The following GOLGA8A variants were observed in gnomAD, a reference collection of about 807,000 sequenced individuals.
GOLGA8A encodes golgin A8 family member A, also known as golgin subfamily A member 8A.
Under a neutral mutation model 22.1 loss-of-function variants are expected in GOLGA8A, and 3 were observed. The observed-to-expected ratio is 0.14, with a 90% CI of 0.06 to 0.35. The LOEUF (loss-of-function observed/expected upper bound fraction) is 0.35. GOLGA8A is among the 10% of genes least tolerant of loss of function. The pLI is 1.00. For synonymous variants in GOLGA8A, 7 were observed against 91.7 expected, an observed-to-expected ratio of 0.08 and a Z score of 5.28; for missense variants, 16 against 233.2, an observed-to-expected ratio of 0.07 and a Z score of 6.07.
chr15:34,421,840 T>G (rs1356098422), intron 2 of GOLGA8A, among the ~76,000 whole-genome samples: 1 of 136,742 alleles, frequency 7.3e-6, no homozygotes, highest in East Asian at 2.2e-4. Context: ...ACACAACCTC[T>G]TCTCCCACCA....
chr15:34,432,785 C>T lies in GOLGA8A; in HGVS notation c.-1123+2598G>A, dbSNP rs1041285743. Among the ~76,000 whole-genome samples the T allele has an allele frequency of 2.3e-4, 35 of 149,196 alleles. 3 individuals are homozygous for T. Among genetic ancestry groups the T allele is most frequent in the African/African-American group, 7.7e-4 (31 of 40,432 alleles). ...ACAGATGCACCACCTTACATTAAAA[C>T]AGCCCTTTAGAGTTTAGAGTTTATG... On this transcript the variant is annotated intron_variant, in intron 2 of 24. Coordinates refer to ENST00000359187, the MANE Select transcript of GOLGA8A (RefSeq NM_181077.5).
At chr15:34,430,022 A>G (rs1416777100) in intron 2 of GOLGA8A, among the ~76,000 whole-genome samples, 1 of 147,238 alleles carries the variant, frequency 6.8e-6, no homozygotes, top group African/African-American at 2.5e-5. Context: ...AGCTCCCCAA[A>G]TGAAACCAAG....
At chr15:34,436,099 C>T (rs1893496327) in intron 1 of GOLGA8A, among the ~76,000 whole-genome samples, 1 of 148,808 alleles carries the variant, frequency 6.7e-6, no homozygotes, top group African/African-American at 2.5e-5. Context: ...TGCGTAGTGG[C>T]CACACCTCTG....
rs1891471942 is a variant in GOLGA8A at position 34,381,220 on chromosome 15, T to C, written c.*191A>G. The C allele has an allele frequency of 5.0e-6, 5 of 1,009,768 alleles. No homozygotes were observed. The Admixed American group carries it at 1.1e-4, about 23-fold the overall frequency. The allele number at this position is 1,009,768 out of a possible 1,614,324, so 62.6% of individuals were successfully genotyped here. On this transcript the variant is annotated 3_prime_UTR_variant, in exon 25 of 25. Coordinates refer to ENST00000359187, the MANE Select transcript of GOLGA8A (RefSeq NM_181077.5). Reference sequence around the variant, plus strand: ...ATGCTGAAGGATGCCAGAGTGAACATCAGTGAGAGCCACAGAGACCCACTC... The same window carrying C: ...ATGCTGAAGGATGCCAGAGTGAACACCAGTGAGAGCCACAGAGACCCACTC...
chr15:34,431,333 A>C (rs1435413336), intron 2 of GOLGA8A, among the ~76,000 whole-genome samples: 2,761 of 51,136 alleles, frequency 0.054, 206 homozygotes, highest in African/African-American at 0.15. Context: ...ATATATATAT[A>C]TATATATATA....
chr15:34,385,501 TAC>T (rs1305966954), intron 13 of GOLGA8A, 27 bp from the exon 14 acceptor site: 3 of 653,480 alleles, frequency 4.6e-6, no homozygotes, highest in Non-Finnish European at 5.4e-6. Flanking sequence ...ACAGAGCTCT[TAC>T]CAGGGGGAGG....
At chr15:34,416,825 T>TAAA in intron 2 of GOLGA8A, 1 of 72,478 alleles carries the variant, frequency 1.4e-5, no homozygotes, top group Middle Eastern at 4.5e-3. Flanking sequence ...AATAAATAAA[T>TAAA]AAAAAAGAAG....
At chr15:34,381,923 ACC>A (rs1322225016) in intron 23 of GOLGA8A, 43 bp downstream of exon 23, 5,888 of 96,486 alleles carry the variant, frequency 0.061, 121 homozygotes, top group Middle Eastern at 0.14. Flanking sequence ...CCCCACCCAC[ACC>A]CCCACCCCAC....
At chr15:34,427,521 G>C (rs562653107) in intron 2 of GOLGA8A, among the ~76,000 whole-genome samples, 2 of 148,356 alleles carry the variant, frequency 1.3e-5, no homozygotes, top group East Asian at 4.0e-4. Flanking sequence ...GCTCAACAGA[G>C]CAAATCCACC....
At chr15:34,435,866 G>A (rs1409728393) in intron 1 of GOLGA8A, among the ~76,000 whole-genome samples, 1 of 148,978 alleles carries the variant, frequency 6.7e-6, no homozygotes, top group Non-Finnish European at 1.5e-5. Context: ...ACACAGCTAC[G>A]AGCTCCAGCT....
Position 34,398,478 on chromosome 15 carries a change from T to C in GOLGA8A, c.-382+156A>G, listed in dbSNP as rs371969724. Among the ~76,000 whole-genome samples the C allele has an allele frequency of 1.7e-3, 203 of 118,618 alleles. 10 individuals are homozygous for C. The highest frequency in any genetic ancestry group is 0.015 in the East Asian group (67 of 4,474). 77.8% of individuals were successfully genotyped at this position (118,618 alleles called of 152,430 possible). A position where few individuals can be genotyped will look rare whatever the true frequency, so the allele number is the denominator to read the frequency against. On this transcript the variant is annotated intron_variant, in intron 8 of 24. Coordinates refer to ENST00000359187, the MANE Select transcript of GOLGA8A (RefSeq NM_181077.5). ...AGCAATAATAAAGAAATGATACTTC[T>C]ATATTTTCTATAGATCATCTTTGTA...
intron 2 of GOLGA8A, among the ~76,000 whole-genome samples, chr15:34,431,339 A>ATC (rs1410030407): frequency 2.3e-4 from 20 of 85,462 alleles, no homozygotes; most frequent in South Asian, 6.4e-4. Context: ...ATATATATAT[A>ATC]TATATATCTC....
chr15:34,423,656 C>T (rs1892868624), intron 2 of GOLGA8A, among the ~76,000 whole-genome samples: 2 of 148,410 alleles, frequency 1.3e-5, no homozygotes, highest in Non-Finnish European at 3.0e-5. Flanking sequence ...TGACCCTGAG[C>T]TTCACAGACT....
At chr15:34,423,833 A>G (rs1892874928) in intron 2 of GOLGA8A, among the ~76,000 whole-genome samples, 1 of 149,326 alleles carries the variant, frequency 6.7e-6, no homozygotes, top group Non-Finnish European at 1.5e-5. Context: ...TTTGAGAACC[A>G]GGGCTGTGCC....
intron 2 of GOLGA8A, among the ~76,000 whole-genome samples, chr15:34,423,113 G>A (rs1892850010): frequency 7.9e-6 from 1 of 126,504 alleles, no homozygotes; most frequent in African/African-American, 2.8e-5. Context: ...ACGCCTCCCG[G>A]TAGGCTCCCT....
intron 2 of GOLGA8A, chr15:34,419,034 A>C (rs1364799412): frequency 7.1e-6 from 1 of 139,960 alleles, no homozygotes; most frequent in East Asian, 2.4e-4. Context: ...CCTCCCTAGT[A>C]GCAGGGATTA....
intron 2 of GOLGA8A, chr15:34,428,972 C>G (rs1402794721): frequency 1.3e-5 from 2 of 148,380 alleles, no homozygotes; most frequent in East Asian, 3.9e-4. Context: ...GCATCAGCTG[C>G]CACCTCCTAC....
Position 34,427,200 on chromosome 15 carries a change from G to A in GOLGA8A, c.-1123+8183C>T, listed in dbSNP as rs1464719211. 1.7e-4 allele frequency among the ~76,000 whole-genome samples: 25 copies of A among 146,490 alleles called. 3 individuals are homozygous for A. The highest frequency in any genetic ancestry group is 2.7e-4 in the Non-Finnish European group (18 of 66,410). On this transcript the variant is annotated intron_variant, in intron 2 of 24. Coordinates refer to ENST00000359187, the MANE Select transcript of GOLGA8A (RefSeq NM_181077.5). Reference sequence around the variant, plus strand: ...ACAAAAGTTAGCCGGGAGTGGTGGCGGGCGCCTGTAGTCCCAGCTACTCGG... The same window carrying A: ...ACAAAAGTTAGCCGGGAGTGGTGGCAGGCGCCTGTAGTCCCAGCTACTCGG...
In GOLGA8A at chr15:34,437,702, G is replaced by C. The variant is rs1447558933; in HGVS notation, c.-1516C>G. On this transcript the variant is annotated 5_prime_UTR_variant, in exon 1 of 25. Transcript: ENST00000359187. Reference sequence around the variant, plus strand: ...GCCGCGCCGCCGTCCTCGCCGCGCCGCCGTCCTCGCCGCGCCGCTGCCGGG... The same window carrying C: ...GCCGCGCCGCCGTCCTCGCCGCGCCCCCGTCCTCGCCGCGCCGCTGCCGGG... 1.8e-4 allele frequency among the ~76,000 whole-genome samples: 24 copies of C among 135,680 alleles called. 2 individuals are homozygous for C. The highest frequency in any genetic ancestry group is 3.7e-4 in the Non-Finnish European group (23 of 62,516). 89.0% of individuals were successfully genotyped at this position (135,680 alleles called of 152,430 possible). A position where few individuals can be genotyped will look rare whatever the true frequency, so the allele number is the denominator to read the frequency against.
Sources: allele counts gnomAD v4.1 joint callset (sites outside exome capture counted in the v4.1 genomes callset), GRCh38; gene constraint gnomAD v4.1.1; transcripts MANE v1.5; gene names NCBI Gene and HGNC (gene_info 2026-07-23, HGNC 2026-07-21).